Variants in SLC24A5 observed in about 807,000 individuals in gnomAD.
SLC24A5 encodes the protein sodium/potassium/calcium exchanger 5.
A neutral mutation model predicts 51.6 loss-of-function variants in SLC24A5; 46 were observed. The ratio of observed to expected loss-of-function variants is 0.89; its 90% CI spans 0.70 to 1.14. The LOEUF (loss-of-function observed/expected upper bound fraction) is 1.14. Among genes scored for constraint, SLC24A5 ranks in the 50% most tolerant of loss-of-function variants. The probability of loss-of-function intolerance (pLI) is 0.00; values close to 1 mark genes in which losing one functional copy is unlikely to be tolerated. For missense variants in SLC24A5, 581 were observed against 604.1 expected, an observed-to-expected ratio of 0.96 and a Z score of 0.40; for synonymous variants, 230 against 214.9, an observed-to-expected ratio of 1.07 and a Z score of -0.62.
chr15:48,132,859 T>C (rs1018132981), intron 2 of SLC24A5, among the ~76,000 whole-genome samples: 1 of 152,078 alleles, frequency 6.6e-6, no homozygotes, highest in Non-Finnish European at 1.5e-5. Flanking sequence ...TTAAGGGAAA[T>C]GTCCTGTGAT....
In SLC24A5 at chr15:48,142,208, T is replaced by C. The variant is rs1287108952; in HGVS notation, c.1360T>C (p.Leu454=). 6.2e-7 allele frequency: 1 copy of C among 1,613,756 alleles called. No individual in the cohort carries two copies. Among genetic ancestry groups the C allele is most frequent in the African/African-American group, 1.3e-5 (1 of 74,916 alleles). ...SLNISIIFLF[L]AVHFNGWKLD... is the part of the protein sequence containing the mutation. ...CAACATTTCAATTATTTTTCTTTTT[T>C]TAGCAGTTCACTTCAATGGCTGGAA... Residue 454 remains leucine, a synonymous_variant, in exon 9 of 9, where the codon TTA becomes CTA. Coordinates refer to ENST00000341459, the MANE Select transcript of SLC24A5 (RefSeq NM_205850.3).
intron 6 of SLC24A5, 56 bp downstream of exon 6, chr15:48,137,019 AT>A: frequency 6.6e-7 from 1 of 1,513,942 alleles, no homozygotes; most frequent in South Asian, 1.3e-5. Flanking sequence ...AAACTTTAAA[AT>A]TTCATTTCAA....
At chr15:48,134,372 C>T (rs1432126147) in intron 3 of SLC24A5, 31 bp downstream of exon 3, 3 of 1,610,912 alleles carry the variant, frequency 1.9e-6, no homozygotes, top group East Asian at 2.2e-5. Flanking sequence ...TTCTTGCTTA[C>T]TCAGTGTGAT....
rs2038847853 is a variant in SLC24A5 at position 48,134,486 on chromosome 15, C to G, written c.437C>G (p.Ala146Gly). 3.1e-6 allele frequency: 5 copies of G among 1,613,410 alleles called. No homozygotes were observed. The highest frequency in any genetic ancestry group is 4.2e-6 in the Non-Finnish European group (5 of 1,179,568). ...DIGISTILGS[A>G]IYNLLGICAA... ...GGCATTAGCACCATCCTTGGATCTG[C>G]AATTTATAATCTCCTTGGCATCTGT... The change falls in exon 4 of 9, where the codon GCA (alanine) becomes GGA (glycine). Residue 146 changes from alanine (A) to glycine (G), a missense_variant. By Grantham distance (60) the Ala-to-Gly change is moderately conservative. Coordinates refer to ENST00000341459, the MANE Select transcript of SLC24A5 (RefSeq NM_205850.3).
chr15:48,123,152 A>G (rs1032901570), intron 2 of SLC24A5: 1 of 151,802 alleles, frequency 6.6e-6, no homozygotes, highest in Admixed American at 6.6e-5. Flanking sequence ...TATCTGTTTA[A>G]TGAAAATATA....
intron 2 of SLC24A5, among the ~76,000 whole-genome samples, chr15:48,131,333 T>G (rs1400377908): frequency 2.0e-5 from 3 of 152,052 alleles, no homozygotes; most frequent in Non-Finnish European, 4.4e-5. Context: ...AAATAAATAC[T>G]AGGAAATATG....
At chr15:48,130,833 AC>A (rs1215518004) in intron 2 of SLC24A5, among the ~76,000 whole-genome samples, 1 of 152,162 alleles carries the variant, frequency 6.6e-6, no homozygotes, top group Non-Finnish European at 1.5e-5. Context: ...CAAAGTGTAA[AC>A]AAAAAAGATT....
chr15:48,134,938 A>G lies in SLC24A5; in HGVS notation c.544A>G (p.Ser182Gly), dbSNP rs201321591. The part of the protein sequence containing the change: ...LFRDCAAYTI[S>G]AAAVLGIIYD... The stretch of plus-strand genomic sequence containing the variant: ...CAGAGACTGTGCAGCGTACACAATT[A>G]GTGCAGCAGCAGTTCTTGGTATAAT... The change falls in exon 5 of 9, where the codon AGT (serine) becomes GGT (glycine). Residue 182 changes from serine to glycine, a missense_variant. By Grantham distance (56) the Ser-to-Gly change is moderately conservative. Coordinates refer to ENST00000341459, the MANE Select transcript of SLC24A5 (RefSeq NM_205850.3). 1.2e-5 allele frequency: 20 copies of G among 1,612,382 alleles called. No individual in the cohort carries two copies. The highest frequency in any genetic ancestry group is 1.6e-4 in the Middle Eastern group (1 of 6,078).
rs1347204237 is a variant in SLC24A5, at chr15:48,134,760, T to G, written c.490-124T>G. 3 of 840,112 alleles carry G rather than the reference T, an allele frequency of 3.6e-6. No homozygotes were observed. In the African/African-American group the frequency reaches 5.2e-5, roughly 15 times the overall value. The allele number at this position is 840,112 out of a possible 1,614,324, so 52.0% of individuals were successfully genotyped here. A position where few individuals can be genotyped will look rare whatever the true frequency, so the allele number is the denominator to read the frequency against. ...TAGAACACAATTTTACATTTTTTTC[T>G]CTAAGCAATATGCAAAAGATAACAA... On this transcript the variant is annotated intron_variant, in intron 4 of 8. Coordinates refer to ENST00000341459, the MANE Select transcript of SLC24A5 (RefSeq NM_205850.3).
intron 2 of SLC24A5, among the ~76,000 whole-genome samples, chr15:48,128,424 T>A (rs1025946301): frequency 2.0e-5 from 3 of 152,228 alleles, no homozygotes; most frequent in Non-Finnish European, 4.4e-5. Context: ...TTTTAAAAAA[T>A]TTTCACTTAC....
chr15:48,141,063 T>C (rs1335946989), intron 7 of SLC24A5, 50 bp from the exon 8 acceptor site: 1 of 1,418,108 alleles, frequency 7.1e-7, no homozygotes, highest in East Asian at 2.3e-5. Flanking sequence ...CTGCAAAGGA[T>C]GGTTAGTGAA....
Position 48,142,519 on chromosome 15 carries a change from T to C in SLC24A5, c.*168T>C. On this transcript the variant is annotated 3_prime_UTR_variant, in exon 9 of 9. Transcript: ENST00000341459. ...ATCCTAATTTTTCTGAGCCCTTTCT[T>C]TTCATGAAAAATTACATATTATAAA... 1.8e-6 allele frequency: 1 copy of C among 544,394 alleles called. No individual in the cohort carries two copies. Among genetic ancestry groups the C allele is most frequent in the South Asian group, 3.9e-5 (1 of 25,428 alleles). The allele number at this position is 544,394 out of a possible 1,614,324, so 33.7% of individuals were successfully genotyped here. A position where few individuals can be genotyped will look rare whatever the true frequency, so the allele number is the denominator to read the frequency against.
In SLC24A5 at chr15:48,134,282, C is replaced by T. The variant is rs1567224096; in HGVS notation, c.326C>T (p.Ala109Val). 1 of 1,613,616 alleles carries T rather than the reference C, an allele frequency of 6.2e-7. No homozygotes were observed. Among genetic ancestry groups the T allele is most frequent in the Non-Finnish European group, 8.5e-7 (1 of 1,179,624 alleles). The change falls in exon 3 of 9, where the codon GCA (alanine) becomes GTA (valine). Residue 109 changes from alanine (A) to valine (V), a missense_variant. Transcript: ENST00000341459. ...GCCCTTGGATTGTCTCAGGATGTTG[C>T]AGGCACAACTTTCATGGCAGCGGGC... is the stretch of plus-strand genomic sequence containing the variant. ...SESLGLSQDV[A>V]GTTFMAAGSS...
intron 2 of SLC24A5, among the ~76,000 whole-genome samples, chr15:48,128,890 C>T (rs1195581414): frequency 6.6e-6 from 1 of 152,052 alleles, no homozygotes; most frequent in East Asian, 1.9e-4. Flanking sequence ...TTTACTTTGC[C>T]CACATGGATA....
At chr15:48,141,863 C>A in intron 8 of SLC24A5, 166 bp from the exon 9 acceptor site, 2 of 457,974 alleles carry the variant, frequency 4.4e-6, no homozygotes, top group South Asian at 5.8e-5. Context: ...AAATACTAAC[C>A]CAAGAAAAAT....
At position 48,121,925 on chromosome 15, in the gene SLC24A5, C is replaced by T. The variant is rs775687860; in HGVS notation, c.190C>T (p.Arg64Cys). The T allele has an allele frequency of 9.3e-6, 15 of 1,614,046 alleles. No individual in the cohort carries two copies. Among genetic ancestry groups the T allele is most frequent in the South Asian group, 4.4e-5 (4 of 91,078 alleles). ...FPEGFFTRQE[R>C]RDGGIIIYFL... ...CGAAGGGTTTTTCACGAGACAGGAG[C>T]GCAGAGATGGAGGCATCATAATCTA... The change falls in exon 2 of 9, where the codon CGC becomes TGC. Residue 64 changes from arginine (R) to cysteine (C), a missense_variant. By Grantham distance (180) the Arg-to-Cys change is radical. Coordinates refer to ENST00000341459, the MANE Select transcript of SLC24A5 (RefSeq NM_205850.3).
At chr15:48,134,370 TACTC>T in intron 3 of SLC24A5, 29 bp downstream of exon 3, 1 of 1,611,678 alleles carries the variant, frequency 6.2e-7, no homozygotes, top group Non-Finnish European at 8.5e-7. Flanking sequence ...ACTTCTTGCT[TACTC>T]AGTGTGATTT....
intron 2 of SLC24A5, chr15:48,123,844 T>C (rs956524457): frequency 9.2e-5 from 14 of 152,298 alleles, no homozygotes; most frequent in South Asian, 2.1e-4. Context: ...ATGTGAAATA[T>C]CCTTGGTTGC....
chr15:48,130,703 G>A (rs1419470805), intron 2 of SLC24A5, among the ~76,000 whole-genome samples: 3 of 152,020 alleles, frequency 2.0e-5, no homozygotes, highest in Non-Finnish European at 4.4e-5. Flanking sequence ...ATATCCAGCA[G>A]CACTAAATCT....
Sources: allele counts gnomAD v4.1 joint callset (sites outside exome capture counted in the v4.1 genomes callset), GRCh38; gene constraint gnomAD v4.1.1; transcripts MANE v1.5; gene names NCBI Gene and HGNC (gene_info 2026-07-23, HGNC 2026-07-21).